ERMP1: variants seen among roughly 807,000 people sequenced by gnomAD.
ERMP1 encodes the protein Felix-ina.
In ERMP1, 86 loss-of-function variants were observed where a neutral mutation model predicts 92.0. The observed-to-expected ratio is 0.93, with a 90% CI of 0.79 to 1.12. The LOEUF (loss-of-function observed/expected upper bound fraction) is 1.12, where lower values mean the gene tolerates loss of function less well. Among genes scored for constraint, ERMP1 ranks in the 50% most tolerant of loss-of-function variants. The probability of loss-of-function intolerance (pLI) is 0.00; values close to 1 mark genes in which losing one functional copy is unlikely to be tolerated. For missense variants in ERMP1, 1,342 were observed against 1,116.3 expected (o/e 1.20, Z -2.88); for synonymous variants, 530 against 412.8 (o/e 1.28, Z -3.44).
Position 5,791,179 on chromosome 9 carries a change from AAGAG to A in ERMP1, c.2387-3590_2387-3587del, listed in dbSNP as rs201299904. 17 of 443,504 alleles carry A rather than the reference AAGAG, an allele frequency of 3.8e-5. 1 individual carries two copies. The highest frequency in any genetic ancestry group is 3.3e-4 in the Middle Eastern group (1 of 3,028). 27.5% of individuals were successfully genotyped at this position (443,504 alleles called of 1,614,324 possible). On this transcript the variant is annotated intron_variant, in intron 13 of 14. Coordinates refer to ENST00000339450, the MANE Select transcript of ERMP1 (RefSeq NM_024896.3). ...AACCAACAGGATGTGTACAGAGAGAAAGAGAGAGAGAGACAGAGAGAGTGATTGA... is the reference window on the plus strand; with the variant it reads ...AACCAACAGGATGTGTACAGAGAGAAAGAGAGAGACAGAGAGAGTGATTGA...
chr9:5,806,295 C>G (rs1828867298), intron 8 of ERMP1, among the ~76,000 whole-genome samples: 1 of 152,178 alleles, frequency 6.6e-6, no homozygotes, highest in African/African-American at 2.4e-5. Context: ...TGGTCTTGTA[C>G]TGCACCTTTG....
At chr9:5,859,858 C>G (rs1308609400) in intron 5 of ERMP1, among the ~76,000 whole-genome samples, 1 of 152,194 alleles carries the variant, frequency 6.6e-6, no homozygotes, top group Admixed American at 6.5e-5. Context: ...TGTATCATTA[C>G]TAAGTATTTA....
chr9:5,859,980 G>A (rs1471455329), intron 5 of ERMP1, among the ~76,000 whole-genome samples: 1 of 152,094 alleles, frequency 6.6e-6, no homozygotes, highest in Admixed American at 6.5e-5. Context: ...ATTCTTACAT[G>A]CTAAATAAGC....
chr9:5,830,643 A>G, intron 2 of ERMP1, 84 bp downstream of exon 2: 1 of 1,108,466 alleles, frequency 9.0e-7, no homozygotes, highest in South Asian at 1.6e-5. Context: ...AATGGTCCCC[A>G]CAATTGCCCA....
intron 6 of ERMP1, among the ~76,000 whole-genome samples, chr9:5,845,270 AG>A (rs1399999024): frequency 6.6e-6 from 1 of 152,102 alleles, no homozygotes; most frequent in Non-Finnish European, 1.5e-5. Context: ...TGCTCTTAAA[AG>A]GAAGTTTCTT....
intron 6 of ERMP1, 58 bp downstream of exon 6, chr9:5,812,067 G>A (rs1216231847): frequency 9.5e-7 from 1 of 1,054,046 alleles, no homozygotes; most frequent in Admixed American, 2.0e-5. Flanking sequence ...ACAAGTTTAT[G>A]TATCATCCCT....
upstream of ERMP1, chr9:5,833,136 G>A (rs550272464): frequency 2.9e-6 from 3 of 1,023,292 alleles, no homozygotes; most frequent in South Asian, 2.0e-5. Flanking sequence ...GACGGAAACT[G>A]CAGAGGGCCA....
intron 13 of ERMP1, among the ~76,000 whole-genome samples, chr9:5,788,396 C>T (rs577459101): frequency 2.0e-5 from 3 of 152,156 alleles, no homozygotes; most frequent in African/African-American, 7.2e-5. Context: ...TCTTCAAAAC[C>T]AAAGCTTCTC....
intron 13 of ERMP1, among the ~76,000 whole-genome samples, chr9:5,794,602 A>G (rs1350169555): frequency 1.3e-5 from 2 of 152,162 alleles, no homozygotes; most frequent in African/African-American, 4.8e-5. Context: ...AGGATAATTA[A>G]GGAATATTAT....
intron 6 of ERMP1, among the ~76,000 whole-genome samples, chr9:5,852,664 A>T (rs888885523): frequency 2.6e-5 from 4 of 152,144 alleles, no homozygotes; most frequent in Non-Finnish European, 4.4e-5. Context: ...TTCATTAAAA[A>T]AAAAAAAAAA....
Position 5,811,112 on chromosome 9 carries a change from C to A in ERMP1, c.1326G>T (p.Lys442Asn). Residue 442 changes from lysine to asparagine, a missense_variant and splice_region_variant, in exon 7 of 15, where the codon AAG (lysine) becomes AAT (asparagine). By Grantham distance (94) the Lys-to-Asn change is moderately conservative. Transcript: ENST00000339450. ...LGKKFLQPKHKTGNYKKDFLC... is the reference protein window; with the variant it reads ...LGKKFLQPKHNTGNYKKDFLC... ...GTAGTTTTAGAGGAAAATACTTACT[C>A]TTATGTTTGGGCTGCAAAAATTTTT... 6.2e-7 allele frequency: 1 copy of A among 1,607,196 alleles called. No individual in the cohort carries two copies. Among genetic ancestry groups the A allele is most frequent in the East Asian group, 2.2e-5 (1 of 44,846 alleles).
At chr9:5,861,895 T>C (rs1245701836) in intron 5 of ERMP1, among the ~76,000 whole-genome samples, 1 of 151,794 alleles carries the variant, frequency 6.6e-6, no homozygotes, top group Non-Finnish European at 1.5e-5. Flanking sequence ...TTGAGTGTAG[T>C]CCCTCCTGTT....
At chr9:5,811,441 A>G in intron 6 of ERMP1, 118 bp from the exon 7 acceptor site, 1 of 718,048 alleles carries the variant, frequency 1.4e-6, no homozygotes, top group Non-Finnish European at 2.2e-6. Flanking sequence ...ATACTGTTTG[A>G]ATGAAGAAAT....
intron 4 of ERMP1, among the ~76,000 whole-genome samples, chr9:5,823,446 C>A (rs1014386532): frequency 6.6e-6 from 1 of 152,092 alleles, no homozygotes; most frequent in African/African-American, 2.4e-5. Flanking sequence ...ATCATAACCA[C>A]CCACAGTGGC....
At chr9:5,826,850 C>T (rs1190038019) in intron 2 of ERMP1, among the ~76,000 whole-genome samples, 1 of 152,120 alleles carries the variant, frequency 6.6e-6, no homozygotes, top group Non-Finnish European at 1.5e-5. Context: ...GGTATCTATA[C>T]AGGGTTGATT....
intron 5 of ERMP1, among the ~76,000 whole-genome samples, chr9:5,861,767 A>C (rs1005070273): frequency 1.0e-4 from 12 of 116,392 alleles, no homozygotes; most frequent in Non-Finnish European, 1.9e-4. Flanking sequence ...AGAATAGTCC[A>C]AGGTCAAAGG....
At chr9:5,823,006 C>T (rs1829598376) in intron 4 of ERMP1, among the ~76,000 whole-genome samples, 1 of 152,122 alleles carries the variant, frequency 6.6e-6, no homozygotes, top group Non-Finnish European at 1.5e-5. Context: ...TTCTCTGGGC[C>T]AGGCATGGTG....
At chr9:5,820,064 C>T (rs1054852953) in intron 4 of ERMP1, among the ~76,000 whole-genome samples, 33 of 152,182 alleles carry the variant, frequency 2.2e-4, no homozygotes, top group Non-Finnish European at 4.1e-4. Flanking sequence ...CTTTGGGAAA[C>T]TGAGTGGGCC....
chr9:5,858,249 T>C (rs188847878), intron 6 of ERMP1, among the ~76,000 whole-genome samples: 2 of 151,652 alleles, frequency 1.3e-5, no homozygotes, highest in Admixed American at 1.3e-4. Context: ...GTAAAAATGA[T>C]GAGAGATGAA....
Sources: gnomAD v4.1 joint callset for allele counts (sites outside exome capture counted in the v4.1 genomes callset) on GRCh38, gnomAD v4.1.1 for gene constraint, MANE v1.5 for transcripts, NCBI Gene and HGNC (gene_info 2026-07-23, HGNC 2026-07-21) for gene names.